QTMAN: variants seen among roughly 807,000 people sequenced by gnomAD.
QTMAN encodes queuosine-tRNA mannosyltransferase.
the QTMAN span, among the ~76,000 whole-genome samples, chr2:144,128,686 C>T: frequency 6.6e-6 from 1 of 151,900 alleles, no homozygotes; most frequent in African/African-American, 2.4e-5. Context: ...TGTAGTTTCC[C>T]CAGCTATCAG....
chr2:143,989,678 C>T, the QTMAN span, among the ~76,000 whole-genome samples: 1 of 152,134 alleles, frequency 6.6e-6, no homozygotes, highest in African/African-American at 2.4e-5. Flanking sequence ...CATATATATA[C>T]ACACACATAC....
chr2:144,137,318 G>T, the QTMAN span, among the ~76,000 whole-genome samples: 21 of 152,134 alleles, frequency 1.4e-4, no homozygotes, highest in South Asian at 3.9e-3. Flanking sequence ...ATGTCTGCAG[G>T]GGTTATTTGA....
At chr2:144,231,391 A>G in the QTMAN span, among the ~76,000 whole-genome samples, 1 of 152,118 alleles carries the variant, frequency 6.6e-6, no homozygotes, top group Admixed American at 6.5e-5. Context: ...AAAATAATCA[A>G]CAGTGTTTAT....
At chr2:143,999,339 A>T in the QTMAN span, among the ~76,000 whole-genome samples, 1 of 151,952 alleles carries the variant, frequency 6.6e-6, no homozygotes, top group Non-Finnish European at 1.5e-5. Context: ...ACTACAAGGC[A>T]TCACTAGAGA....
At chr2:144,007,730 G>T in the QTMAN span, among the ~76,000 whole-genome samples, 1 of 152,082 alleles carries the variant, frequency 6.6e-6, no homozygotes, top group South Asian at 2.1e-4. Context: ...GGACTGGGCT[G>T]TCTTTGAATA....
chr2:143,953,384 TAA>T, the QTMAN span, among the ~76,000 whole-genome samples: 12 of 152,008 alleles, frequency 7.9e-5, no homozygotes, highest in African/African-American at 2.9e-4. Flanking sequence ...ATGCAGAATG[TAA>T]AACTCTTCCC....
the QTMAN span, among the ~76,000 whole-genome samples, chr2:144,051,727 A>T: frequency 6.6e-6 from 1 of 152,294 alleles, no homozygotes; most frequent in East Asian, 1.9e-4. Flanking sequence ...AAGAAGTAGA[A>T]AGCACTGTGA....
the QTMAN span, among the ~76,000 whole-genome samples, chr2:143,961,798 G>A: frequency 1.3e-5 from 2 of 152,026 alleles, no homozygotes; most frequent in Non-Finnish European, 2.9e-5. Flanking sequence ...TAAGCCCAGG[G>A]ACTGGCATGC....
chr2:144,054,187 CA>C, the QTMAN span, among the ~76,000 whole-genome samples: 1 of 150,280 alleles, frequency 6.7e-6, no homozygotes, highest in South Asian at 2.1e-4. Flanking sequence ...GACTCTGTCT[CA>C]AAAAAAAATT....
chr2:144,184,646 A>C, the QTMAN span, among the ~76,000 whole-genome samples: 1 of 152,166 alleles, frequency 6.6e-6, no homozygotes, highest in South Asian at 2.1e-4. Context: ...TACCAATTAC[A>C]GAAGGGACTA....
At chr2:144,003,436 A>G in the QTMAN span, among the ~76,000 whole-genome samples, 1 of 151,718 alleles carries the variant, frequency 6.6e-6, no homozygotes, top group South Asian at 2.1e-4. Flanking sequence ...AAAAAAAACC[A>G]AGCAGTGCCA....
chr2:143,996,048 G>T, the QTMAN span, among the ~76,000 whole-genome samples: 3 of 152,090 alleles, frequency 2.0e-5, no homozygotes, highest in Admixed American at 6.5e-5. Flanking sequence ...TATATTGTCT[G>T]GATTATAATA....
chr2:144,164,790 A>T, the QTMAN span, among the ~76,000 whole-genome samples: 1 of 152,168 alleles, frequency 6.6e-6, no homozygotes, highest in Non-Finnish European at 1.5e-5. Context: ...TTCTCCCTAG[A>T]TCACTTGTGC....
At chr2:143,978,006 T>C in the QTMAN span, among the ~76,000 whole-genome samples, 1 of 152,222 alleles carries the variant, frequency 6.6e-6, no homozygotes, top group Non-Finnish European at 1.5e-5. Context: ...TACCTGATAA[T>C]ACTTATTGAC....
the QTMAN span, among the ~76,000 whole-genome samples, chr2:143,970,971 C>T: frequency 6.6e-6 from 1 of 152,108 alleles, no homozygotes; most frequent in African/African-American, 2.4e-5. Context: ...TGATCAGAAC[C>T]TAGTCCTATT....
At chr2:144,243,933 C>T in the QTMAN span, among the ~76,000 whole-genome samples, 1 of 152,148 alleles carries the variant, frequency 6.6e-6, no homozygotes, top group African/African-American at 2.4e-5. Context: ...GATCTATAAG[C>T]ATTAAAGAAC....
the QTMAN span, among the ~76,000 whole-genome samples, chr2:144,230,566 A>T: frequency 6.6e-6 from 1 of 152,140 alleles, no homozygotes; most frequent in African/African-American, 2.4e-5. Flanking sequence ...AAGGAAAAAA[A>T]AACACTTTTA....
the QTMAN span, among the ~76,000 whole-genome samples, chr2:144,290,685 A>T: frequency 6.6e-6 from 1 of 152,110 alleles, no homozygotes; most frequent in South Asian, 2.1e-4. Context: ...TTCCACCTAA[A>T]TACATCAGAG....
the QTMAN span, among the ~76,000 whole-genome samples, chr2:143,980,230 C>A: frequency 1.3e-5 from 2 of 151,996 alleles, no homozygotes; most frequent in Non-Finnish European, 2.9e-5. Context: ...TGTTTCCCCC[C>A]GTGTCCATGT....
Sources: allele counts gnomAD v4.1 joint callset (sites outside exome capture counted in the v4.1 genomes callset), GRCh38; gene constraint gnomAD v4.1.1; transcripts MANE v1.5; gene names NCBI Gene and HGNC (gene_info 2026-07-23, HGNC 2026-07-21).